PTCHD4: variants seen among roughly 807,000 people sequenced by gnomAD.
PTCHD4 encodes patched domain-containing protein 4.
A neutral mutation model predicts 58.1 loss-of-function variants in PTCHD4; 33 were observed. The observed-to-expected ratio is 0.57, with a 90% CI of 0.43 to 0.76. PTCHD4 has a LOEUF of 0.76. PTCHD4 is among the 30% of genes least tolerant of loss of function. PTCHD4 has a pLI of 0.00. For synonymous variants in PTCHD4, 478 were observed against 409.6 expected (o/e 1.17, Z -2.02); for missense variants, 1,058 against 1,027.1 (o/e 1.03, Z -0.41).
chr6:47,967,620 C>A (rs752477326), intron 4 of PTCHD4, among the ~76,000 whole-genome samples: 1 of 152,204 alleles, frequency 6.6e-6, no homozygotes, highest in Non-Finnish European at 1.5e-5. Flanking sequence ...TTTAGTGTAG[C>A]CACCTTGGTA....
In PTCHD4 at chr6:47,859,587, C is replaced by T. The variant is rs76334524; in HGVS notation, c.*18716G>A. ...TGTCAAATATTTATTGAATGCCTAACATGTGCCTGGCACCCTTCAGGGTAC... is the reference window on the plus strand; with the variant it reads ...TGTCAAATATTTATTGAATGCCTAATATGTGCCTGGCACCCTTCAGGGTAC... On this transcript the variant is annotated 3_prime_UTR_variant, in exon 5 of 5. Transcript: ENST00000339488. Among the ~76,000 whole-genome samples the T allele has an allele frequency of 1.0e-3, 155 of 152,048 alleles. No individual in the cohort carries two copies. The highest frequency in any genetic ancestry group is 2.0e-3 in the Non-Finnish European group (133 of 67,962).
chr6:48,100,720 C>G (rs574352844), intron 1 of PTCHD4, among the ~76,000 whole-genome samples: 1 of 152,160 alleles, frequency 6.6e-6, no homozygotes, highest in Non-Finnish European at 1.5e-5. Context: ...GATATTCTGT[C>G]GACACGGAGG....
chr6:47,998,324 C>G (rs1187440989), intron 4 of PTCHD4, among the ~76,000 whole-genome samples: 1 of 152,128 alleles, frequency 6.6e-6, no homozygotes, highest in East Asian at 1.9e-4. Context: ...GCTATTCAAT[C>G]CTGATTCACT....
At chr6:47,892,019 G>T (rs1764396335) in intron 4 of PTCHD4, among the ~76,000 whole-genome samples, 1 of 152,052 alleles carries the variant, frequency 6.6e-6, no homozygotes, top group South Asian at 2.1e-4. Context: ...ATGGCTTCCT[G>T]GTAATATGTT....
intron 1 of PTCHD4, among the ~76,000 whole-genome samples, chr6:48,109,403 T>C (rs1765813726): frequency 6.6e-6 from 1 of 152,134 alleles, no homozygotes; most frequent in Admixed American, 6.6e-5. Flanking sequence ...CAAGTATTTA[T>C]CTTAAGACGA....
chr6:48,100,360 A>G (rs1364008388), intron 1 of PTCHD4, among the ~76,000 whole-genome samples: 1 of 152,204 alleles, frequency 6.6e-6, no homozygotes, highest in African/African-American at 2.4e-5. Flanking sequence ...AGGCCTCCTG[A>G]AAATGTGATG....
At chr6:47,974,246 C>T (rs1767612994) in intron 4 of PTCHD4, among the ~76,000 whole-genome samples, 1 of 152,166 alleles carries the variant, frequency 6.6e-6, no homozygotes, top group Non-Finnish European at 1.5e-5. Context: ...ATTTTAGCAG[C>T]AGGGAAATGG....
chr6:48,101,165 A>G (rs752278888), intron 1 of PTCHD4, among the ~76,000 whole-genome samples: 60 of 152,282 alleles, frequency 3.9e-4, no homozygotes, highest in Admixed American at 9.8e-4. Flanking sequence ...ACAAAATGAT[A>G]CACTGTTTAA....
chr6:48,098,479 C>G (rs571462540), intron 1 of PTCHD4, among the ~76,000 whole-genome samples: 1 of 152,136 alleles, frequency 6.6e-6, no homozygotes, highest in East Asian at 1.9e-4. Flanking sequence ...GCTGGGATTA[C>G]AGGTGCTCAC....
rs1581792997 is a variant in PTCHD4 at position 47,861,837 on chromosome 6, C to T, written c.*16466G>A. On this transcript the variant is annotated 3_prime_UTR_variant, in exon 5 of 5. Coordinates refer to ENST00000339488, the MANE Select transcript of PTCHD4 (RefSeq NM_001384253.1). ...CCCTCACACAGGACTTTGTACATCA[C>T]TTGGCACATTATAGGTTCTTAATCC... 6.6e-6 allele frequency among the ~76,000 whole-genome samples: 1 copy of T among 152,018 alleles called. No individual in the cohort carries two copies. Among genetic ancestry groups the T allele is most frequent in the East Asian group, 1.9e-4 (1 of 5,158 alleles).
intron 4 of PTCHD4, among the ~76,000 whole-genome samples, chr6:47,955,393 G>C (rs1201209136): frequency 6.6e-6 from 1 of 152,204 alleles, no homozygotes; most frequent in Non-Finnish European, 1.5e-5. Flanking sequence ...CGAATTATGA[G>C]TCTGATTTAT....
Position 47,889,784 on chromosome 6 carries a change from A to G in PTCHD4, c.899-9848T>C, listed in dbSNP as rs554881694. 3.0e-3 allele frequency among the ~76,000 whole-genome samples: 449 copies of G among 150,856 alleles called. 1 individual carries two copies. The highest frequency in any genetic ancestry group is 6.8e-3 in the Middle Eastern group (2 of 294). ...AAACCTAGGCATTACCATTCAAGAC[A>G]TAGGCATGGGCAAGGACTTCATGTC... On this transcript the variant is annotated intron_variant, in intron 4 of 4. Coordinates refer to ENST00000339488, the MANE Select transcript of PTCHD4 (RefSeq NM_001384253.1).
Position 47,956,457 on chromosome 6 carries a change from G to A in PTCHD4, c.898+52177C>T, listed in dbSNP as rs373736655. Among the ~76,000 whole-genome samples, 167 of 150,976 alleles carry A rather than the reference G, an allele frequency of 1.1e-3. 1 individual carries two copies. The South Asian group carries it at 0.032, about 29-fold the overall frequency. On this transcript the variant is annotated intron_variant, in intron 4 of 4. Coordinates refer to ENST00000339488, the MANE Select transcript of PTCHD4 (RefSeq NM_001384253.1). Reference sequence around the variant, plus strand: ...TTTTATTTTTATTTTTTTTTGAGACGGAGTCTAGCTATGTCATCCAGGCTG... The same window carrying A: ...TTTTATTTTTATTTTTTTTTGAGACAGAGTCTAGCTATGTCATCCAGGCTG...
At chr6:47,880,162 A>T (rs1443772159) in intron 4 of PTCHD4, among the ~76,000 whole-genome samples, 1 of 152,160 alleles carries the variant, frequency 6.6e-6, no homozygotes, top group South Asian at 2.1e-4. Flanking sequence ...AAAATGAAAC[A>T]TGTATTGTCT....
Position 47,864,904 on chromosome 6 carries a change from A to T in PTCHD4, c.*13399T>A, listed in dbSNP as rs1763517963. 6.6e-6 allele frequency among the ~76,000 whole-genome samples: 1 copy of T among 151,912 alleles called. No individual in the cohort carries two copies. Among genetic ancestry groups the T allele is most frequent in the Admixed American group, 6.6e-5 (1 of 15,242 alleles). On this transcript the variant is annotated 3_prime_UTR_variant, in exon 5 of 5. Coordinates refer to ENST00000339488, the MANE Select transcript of PTCHD4 (RefSeq NM_001384253.1). Reference sequence around the variant, plus strand: ...ATCCATCTTTGTCCAGTGCTGACATAACATTGCAATACTACATCTTTATGG... The same window carrying T: ...ATCCATCTTTGTCCAGTGCTGACATTACATTGCAATACTACATCTTTATGG...
At chr6:48,000,086 T>C (rs10456572) in intron 4 of PTCHD4, among the ~76,000 whole-genome samples, 20,809 of 152,204 alleles carry the variant, frequency 0.14, 1,616 homozygotes, top group South Asian at 0.21. Context: ...TTTGCCTGCA[T>C]GGCCTTGAGC....
At chr6:48,019,876 TC>T (rs1456971547) in intron 3 of PTCHD4, among the ~76,000 whole-genome samples, 1 of 152,190 alleles carries the variant, frequency 6.6e-6, no homozygotes, top group African/African-American at 2.4e-5. Context: ...GAGTCCTGAA[TC>T]ATAAATATCA....
chr6:48,096,290 G>A lies in PTCHD4; in HGVS notation c.-970+14759C>T, dbSNP rs959486203. On this transcript the variant is annotated intron_variant, in intron 1 of 4. Transcript: ENST00000339488. ...TCGGCAAAGGCACAGACACATAAGG[G>A]GACACAGTAAATGGGGATGTCTTGA... Among the ~76,000 whole-genome samples, 6 of 152,000 alleles carry A rather than the reference G, an allele frequency of 3.9e-5. No homozygotes were observed. In the South Asian group the frequency reaches 1.0e-3, roughly 26 times the overall value.
rs558838848 is a variant in PTCHD4, at chr6:47,917,221, C to T, written c.899-37285G>A. On this transcript the variant is annotated intron_variant, in intron 4 of 4. Transcript: ENST00000339488. ...TTCAATAATGCTATTTTGGGCAAAA[C>T]GACTACTATGTTTTAAAAGAATCAG... Among the ~76,000 whole-genome samples, 84 of 151,680 alleles carry T rather than the reference C, an allele frequency of 5.5e-4. No homozygotes were observed. In the South Asian group the frequency reaches 8.1e-3, roughly 15 times the overall value.
Sources: gnomAD v4.1 joint callset for allele counts (sites outside exome capture counted in the v4.1 genomes callset) on GRCh38, gnomAD v4.1.1 for gene constraint, MANE v1.5 for transcripts, NCBI Gene and HGNC (gene_info 2026-07-23, HGNC 2026-07-21) for gene names.